SEMA3E: variants seen among roughly 807,000 people sequenced by gnomAD.
SEMA3E encodes the protein semaphorin-3E.
Under a neutral mutation model 93.6 loss-of-function variants are expected in SEMA3E, and 49 were observed. The observed-to-expected ratio is 0.52, with a 90% CI of 0.42 to 0.66. The LOEUF is 0.66. Among genes scored for constraint, SEMA3E ranks in the 30% least tolerant of loss-of-function variants. The pLI is 0.00. For missense variants in SEMA3E, 906 were observed against 964.8 expected, an observed-to-expected ratio of 0.94 and a Z score of 0.81; for synonymous variants, 363 against 330.7, an observed-to-expected ratio of 1.10 and a Z score of -1.06.
rs369091894 is a variant in SEMA3E, at chr7:83,494,165, G to A, written c.116-3891C>T. ...AGGGTAAGAGAAAAACAGTTAAGATGAGTGGGTTGTAATAAATTTAACTGG... is the reference window on the plus strand; with the variant it reads ...AGGGTAAGAGAAAAACAGTTAAGATAAGTGGGTTGTAATAAATTTAACTGG... On this transcript the variant is annotated intron_variant, in intron 1 of 16. Transcript: ENST00000643230. Among the ~76,000 whole-genome samples the A allele has an allele frequency of 7.4e-4, 112 of 151,828 alleles. 2 individuals carry two copies. Among genetic ancestry groups the A allele is most frequent in the African/African-American group, 2.6e-3 (107 of 41,456 alleles).
intron 4 of SEMA3E, among the ~76,000 whole-genome samples, chr7:83,429,206 CATAAAT>C (rs1010120675): frequency 5.1e-4 from 78 of 152,228 alleles, no homozygotes; most frequent in African/African-American, 1.9e-3. Context: ...TAATTCAGCA[CATAAAT>C]ATAATACATG....
In SEMA3E at chr7:83,525,902, A is replaced by T. The variant is rs1791149309; in HGVS notation, c.116-35628T>A. 2.0e-5 allele frequency among the ~76,000 whole-genome samples: 3 copies of T among 149,756 alleles called. No individual in the cohort carries two copies. In the East Asian group the frequency reaches 5.9e-4, roughly 29 times the overall value. ...GCTCAAGAATGGAATCTCTAAGCCC[A>T]TGGGTAGAGCTTGTCAACTGTAAGC... is the stretch of plus-strand genomic sequence containing the variant. On this transcript the variant is annotated intron_variant, in intron 1 of 16. Transcript: ENST00000643230.
intron 14 of SEMA3E, among the ~76,000 whole-genome samples, chr7:83,390,802 T>C (rs1177828408): frequency 6.6e-6 from 1 of 152,202 alleles, no homozygotes; most frequent in Non-Finnish European, 1.5e-5. Context: ...TCCTGTCTAC[T>C]ATTTTTCTCA....
At chr7:83,558,084 C>G (rs769975913) in intron 1 of SEMA3E, among the ~76,000 whole-genome samples, 1 of 152,064 alleles carries the variant, frequency 6.6e-6, no homozygotes, top group Non-Finnish European at 1.5e-5. Flanking sequence ...TGTTGTGTAA[C>G]ATATATTCCT....
At chr7:83,555,131 T>C (rs1297074480) in intron 1 of SEMA3E, among the ~76,000 whole-genome samples, 1 of 152,166 alleles carries the variant, frequency 6.6e-6, no homozygotes, top group East Asian at 1.9e-4. Flanking sequence ...GTACTGCTTT[T>C]CTTACTATTA....
chr7:83,502,017 T>G (rs1263294256), intron 1 of SEMA3E, among the ~76,000 whole-genome samples: 1 of 152,202 alleles, frequency 6.6e-6, no homozygotes, highest in African/African-American at 2.4e-5. Context: ...AAAAGTCTTC[T>G]GAAATTTAGC....
chr7:83,387,089 A>T, intron 14 of SEMA3E, 39 bp from the exon 15 acceptor site: 1 of 1,580,682 alleles, frequency 6.3e-7, no homozygotes, highest in Non-Finnish European at 8.7e-7. Context: ...TCATTTTTTC[A>T]ATTTTCCAGA....
intron 16 of SEMA3E, among the ~76,000 whole-genome samples, chr7:83,383,690 A>C (rs1240921312): frequency 6.6e-6 from 1 of 152,028 alleles, no homozygotes; most frequent in Non-Finnish European, 1.5e-5. Flanking sequence ...CAACAATATG[A>C]GAAAGAACCT....
intron 1 of SEMA3E, among the ~76,000 whole-genome samples, chr7:83,584,485 A>C (rs1427220508): frequency 6.6e-6 from 1 of 152,202 alleles, no homozygotes; most frequent in Non-Finnish European, 1.5e-5. Flanking sequence ...CTGGTAGAAA[A>C]TTAAAATGTG....
chr7:83,549,193 C>T (rs912866264), intron 1 of SEMA3E, among the ~76,000 whole-genome samples: 1 of 152,002 alleles, frequency 6.6e-6, no homozygotes, highest in Non-Finnish European at 1.5e-5. Context: ...CATTTTATAC[C>T]AATTTATATT....
chr7:83,464,210 T>C (rs1789701539), intron 4 of SEMA3E, among the ~76,000 whole-genome samples: 2 of 151,906 alleles, frequency 1.3e-5, no homozygotes, highest in Admixed American at 1.3e-4. Context: ...CTCACCAAGT[T>C]CAGCCACCAA....
intron 16 of SEMA3E, among the ~76,000 whole-genome samples, chr7:83,380,420 A>G (rs1461892331): frequency 6.6e-6 from 1 of 151,950 alleles, no homozygotes; most frequent in African/African-American, 2.4e-5. Flanking sequence ...ATTGGCTTAG[A>G]GACAAACTGA....
At chr7:83,532,375 G>A (rs1005426588) in intron 1 of SEMA3E, among the ~76,000 whole-genome samples, 5 of 152,168 alleles carry the variant, frequency 3.3e-5, no homozygotes, top group Non-Finnish European at 1.5e-5. Flanking sequence ...CAGTATGGAA[G>A]TGATGAGGAC....
chr7:83,454,276 T>G (rs200753113), intron 4 of SEMA3E, among the ~76,000 whole-genome samples: 1 of 89,120 alleles, frequency 1.1e-5, no homozygotes, highest in African/African-American at 4.7e-5. Context: ...AAAAAAAATA[T>G]ATATATATAT....
At chr7:83,466,010 T>C (rs113987709) in intron 4 of SEMA3E, among the ~76,000 whole-genome samples, 3,273 of 152,198 alleles carry the variant, frequency 0.022, 75 homozygotes, top group African/African-American at 0.055. Flanking sequence ...TTTGAAATCT[T>C]CCCTCCTCCT....
At chr7:83,379,074 C>A (rs1025627927) in intron 16 of SEMA3E, among the ~76,000 whole-genome samples, 5 of 151,638 alleles carry the variant, frequency 3.3e-5, no homozygotes, top group Admixed American at 1.3e-4. Context: ...CCATTAAAAA[C>A]AAATGAAATA....
chr7:83,515,208 G>T (rs116493046), intron 1 of SEMA3E, among the ~76,000 whole-genome samples: 1 of 151,450 alleles, frequency 6.6e-6, no homozygotes, highest in Non-Finnish European at 1.5e-5. Context: ...TCCAGGCACT[G>T]CAGAGGCCTC....
chr7:83,412,634 C>A (rs1788463116), intron 5 of SEMA3E, among the ~76,000 whole-genome samples: 1 of 150,680 alleles, frequency 6.6e-6, no homozygotes, highest in Non-Finnish European at 1.5e-5. Context: ...TGGGGGCCTA[C>A]ACCTGTGGTC....
intron 1 of SEMA3E, among the ~76,000 whole-genome samples, chr7:83,517,249 T>C (rs574965804): frequency 6.6e-6 from 1 of 152,154 alleles, no homozygotes; most frequent in Non-Finnish European, 1.5e-5. Flanking sequence ...AAGACTTTGC[T>C]CTATGGCCTT....
Sources: allele counts gnomAD v4.1 joint callset (sites outside exome capture counted in the v4.1 genomes callset), GRCh38; gene constraint gnomAD v4.1.1; transcripts MANE v1.5; gene names NCBI Gene and HGNC (gene_info 2026-07-23, HGNC 2026-07-21).